The following ARHGAP25 variants were observed in gnomAD, a reference collection of about 807,000 sequenced individuals.
ARHGAP25 encodes rho GTPase-activating protein 25.
ARHGAP25 carries 34 observed loss-of-function variants against 71.0 expected under a neutral mutation model. The observed-to-expected ratio is 0.48, with a 90% confidence interval of 0.36 to 0.64. The LOEUF (loss-of-function observed/expected upper bound fraction) is 0.64. Ranked by LOEUF, ARHGAP25 falls within the 30% of genes least tolerant of loss-of-function variation. The probability of loss-of-function intolerance (pLI) is 0.00; values close to 1 mark genes in which losing one functional copy is unlikely to be tolerated. For missense variants in ARHGAP25, 706 were observed against 805.1 expected (o/e 0.88, Z 1.49); for synonymous variants, 282 against 296.5 (o/e 0.95, Z 0.50).
rs1272555835 is a variant in ARHGAP25, at chr2:68,725,462, T to C, written c.-18+14764T>C. 2.6e-5 allele frequency among the ~76,000 whole-genome samples: 4 copies of C among 152,094 alleles called. No homozygotes were observed. The East Asian group carries it at 7.7e-4, about 29-fold the overall frequency. On this transcript the variant is annotated intron_variant and NMD_transcript_variant, in intron 2 of 7. Coordinates refer to the ARHGAP25 transcript ENST00000463483. ...ATCTCAGCCTCCTGAGTAGCGGCGA[T>C]TACAGGTGTATGCCATCCTACCTGG... is the stretch of plus-strand genomic sequence containing the variant.
intron 1 of ARHGAP25, among the ~76,000 whole-genome samples, chr2:68,740,864 G>T (rs899464651): frequency 6.6e-6 from 1 of 152,206 alleles, no homozygotes; most frequent in African/African-American, 2.4e-5. Flanking sequence ...AAAGAAAGGG[G>T]CTAAATTGTC....
At chr2:68,716,276 A>T (rs1400178609) in intron 2 of ARHGAP25, among the ~76,000 whole-genome samples, 2 of 152,196 alleles carry the variant, frequency 1.3e-5, no homozygotes, top group Non-Finnish European at 2.9e-5. Flanking sequence ...TTTTACTGAG[A>T]CTTGGTTATC....
intron 2 of ARHGAP25, among the ~76,000 whole-genome samples, chr2:68,714,155 C>A (rs1183945905): frequency 6.6e-6 from 1 of 152,142 alleles, no homozygotes; most frequent in Non-Finnish European, 1.5e-5. Context: ...ATTACTGCCT[C>A]AATTTCAGAA....
At chr2:68,735,728 A>T (rs1288024662) in intron 1 of ARHGAP25, among the ~76,000 whole-genome samples, 2 of 152,342 alleles carry the variant, frequency 1.3e-5, no homozygotes, top group East Asian at 1.9e-4. Context: ...GGTAGACAAC[A>T]AAAACAAGAC....
chr2:68,740,575 A>G (rs543452150), intron 1 of ARHGAP25, among the ~76,000 whole-genome samples: 1 of 152,142 alleles, frequency 6.6e-6, no homozygotes, highest in African/African-American at 2.4e-5. Context: ...TTTGGTCACA[A>G]TGTAAACATC....
upstream of ARHGAP25, among the ~76,000 whole-genome samples, chr2:68,733,304 G>C (rs1024858197): frequency 1.4e-4 from 21 of 152,196 alleles, no homozygotes; most frequent in Non-Finnish European, 2.9e-4. Flanking sequence ...TAGTGACAGG[G>C]AAGTCGTAGG....
intron 9 of ARHGAP25, chr2:68,819,590 A>C (rs1281224881): frequency 6.4e-6 from 4 of 629,088 alleles, no homozygotes; most frequent in Non-Finnish European, 1.1e-5. Context: ...CCACTCTGAA[A>C]GAGAGACTCA....
chr2:68,794,925 T>C (rs1201658423), intron 4 of ARHGAP25, among the ~76,000 whole-genome samples: 45 of 152,042 alleles, frequency 3.0e-4, no homozygotes, highest in Admixed American at 2.9e-3. Context: ...TTTTGGAAGA[T>C]TTATTGTTAC....
chr2:68,818,251 T>A (rs1457799361), intron 8 of ARHGAP25, among the ~76,000 whole-genome samples: 2 of 152,336 alleles, frequency 1.3e-5, no homozygotes, highest in Admixed American at 6.5e-5. Context: ...AGCTAGCTAG[T>A]GTTTGTCAGT....
chr2:68,823,015 G>A, intron 10 of ARHGAP25, 143 bp downstream of exon 10: 1 of 843,702 alleles, frequency 1.2e-6, no homozygotes, highest in Non-Finnish European at 1.8e-6. Flanking sequence ...AGAAAGAAAA[G>A]AGTAAAGGGA....
At chr2:68,778,265 T>A (rs1408323438) in intron 2 of ARHGAP25, among the ~76,000 whole-genome samples, 1 of 152,162 alleles carries the variant, frequency 6.6e-6, no homozygotes, top group Non-Finnish European at 1.5e-5. Context: ...ATGCTCCTAA[T>A]TAATACTTTT....
At chr2:68,798,930 G>A (rs1239104446) in intron 4 of ARHGAP25, among the ~76,000 whole-genome samples, 1 of 152,090 alleles carries the variant, frequency 6.6e-6, no homozygotes, top group African/African-American at 2.4e-5. Flanking sequence ...GGATTTCAAG[G>A]AAAAAGGTGA....
intron 2 of ARHGAP25, among the ~76,000 whole-genome samples, chr2:68,720,316 C>CAAAAA (rs11314943): frequency 6.6e-4 from 49 of 74,784 alleles, no homozygotes; most frequent in African/African-American, 8.3e-4. Flanking sequence ...ACATTTCAGT[C>CAAAAA]AAAAAAAAAA....
chr2:68,756,470 T>G (rs2104330224), intron 1 of ARHGAP25, among the ~76,000 whole-genome samples: 1 of 152,312 alleles, frequency 6.6e-6, no homozygotes, highest in South Asian at 2.1e-4. Flanking sequence ...TCTCCTTCAT[T>G]TTTCTCCTTT....
intron 2 of ARHGAP25, among the ~76,000 whole-genome samples, chr2:68,727,810 C>T (rs993473537): frequency 2.6e-5 from 4 of 152,224 alleles, no homozygotes; most frequent in Admixed American, 6.5e-5. Context: ...TGAGGGATGA[C>T]GGTGACAACC....
intron 1 of ARHGAP25, among the ~76,000 whole-genome samples, chr2:68,742,410 G>T (rs183882866): frequency 1.3e-5 from 2 of 152,312 alleles, no homozygotes; most frequent in East Asian, 3.9e-4. Context: ...TAAAAAGCTG[G>T]CTTTGGGGCC....
chr2:68,776,316 G>T (rs1677917280), intron 2 of ARHGAP25, among the ~76,000 whole-genome samples: 1 of 152,096 alleles, frequency 6.6e-6, no homozygotes, highest in African/African-American at 2.4e-5. Flanking sequence ...TTCACACTGA[G>T]GGCCACAGGG....
intron 1 of ARHGAP25, among the ~76,000 whole-genome samples, chr2:68,745,209 A>G (rs1675745073): frequency 6.6e-6 from 1 of 152,136 alleles, no homozygotes; most frequent in African/African-American, 2.4e-5. Context: ...CCTCCTTTGC[A>G]GAGCTGTTAG....
At chr2:68,773,170 G>A (rs1478179662) in intron 1 of ARHGAP25, among the ~76,000 whole-genome samples, 1 of 152,182 alleles carries the variant, frequency 6.6e-6, no homozygotes, top group Non-Finnish European at 1.5e-5. Context: ...ACCGAAGGAT[G>A]AAATGTGGAA....
Sources: gnomAD v4.1 joint callset for allele counts (sites outside exome capture counted in the v4.1 genomes callset) on GRCh38, gnomAD v4.1.1 for gene constraint, MANE v1.5 for transcripts, NCBI Gene and HGNC (gene_info 2026-07-23, HGNC 2026-07-21) for gene names.